The following NXN variants were observed in gnomAD, a reference collection of about 807,000 sequenced individuals.
NXN encodes the protein nucleoredoxin.
NXN carries 16 observed loss-of-function variants against 48.6 expected under a neutral mutation model. That is an observed-to-expected ratio of 0.33 (90% CI 0.22 to 0.50). NXN has a LOEUF of 0.50. Among genes scored for constraint, NXN ranks in the 20% least tolerant of loss-of-function variants. The pLI is 0.98. For synonymous variants in NXN, 281 were observed against 269.6 expected (o/e 1.04, Z -0.41); for missense variants, 492 against 605.5 (o/e 0.81, Z 1.97).
chr17:948,332 CAATA>C (rs1286465323), intron 1 of NXN, among the ~76,000 whole-genome samples: 2 of 151,054 alleles, frequency 1.3e-5, no homozygotes, highest in Non-Finnish European at 3.0e-5. Flanking sequence ...AAAAATTAAA[CAATA>C]AAGAAAGAAA....
chr17:876,157 G>A (rs2068211953), intron 1 of NXN, among the ~76,000 whole-genome samples: 1 of 150,704 alleles, frequency 6.6e-6, no homozygotes, highest in African/African-American at 2.5e-5. Context: ...ACTCCAGCCT[G>A]GGCGACACAG....
intron 5 of NXN, among the ~76,000 whole-genome samples, chr17:813,665 TTTTG>T (rs994631850): frequency 5.9e-5 from 9 of 152,238 alleles, no homozygotes; most frequent in African/African-American, 2.2e-4. Flanking sequence ...AGCATTTTTT[TTTTG>T]TTTAAGAGAC....
chr17:841,346 T>TGC (rs1456801896), intron 1 of NXN, among the ~76,000 whole-genome samples: 1 of 151,768 alleles, frequency 6.6e-6, no homozygotes, highest in Non-Finnish European at 1.5e-5. Flanking sequence ...CCGCCAACCC[T>TGC]GCCAGGGCTG....
At position 878,740 on chromosome 17, in the gene NXN, G is replaced by C. The variant is rs187309257; in HGVS notation, c.361-52662C>G. Among the ~76,000 whole-genome samples, 7 of 152,126 alleles carry C rather than the reference G, an allele frequency of 4.6e-5. 1 individual carries two copies. In the South Asian group the frequency reaches 8.3e-4, roughly 18 times the overall value. On this transcript the variant is annotated intron_variant, in intron 1 of 7. Transcript: ENST00000336868. The stretch of plus-strand genomic sequence containing the variant: ...CCTGATTGAACCCAGTGAATGGGGG[G>C]AAATGAGAATGTCAAGGCCTGTAGC...
At chr17:888,162 A>G (rs2068369027) in intron 1 of NXN, among the ~76,000 whole-genome samples, 1 of 152,196 alleles carries the variant, frequency 6.6e-6, no homozygotes, top group Non-Finnish European at 1.5e-5. Context: ...CTCATGCAAT[A>G]AAAAGGAAAA....
At chr17:950,163 T>C (rs2069093342) in intron 1 of NXN, among the ~76,000 whole-genome samples, 1 of 152,128 alleles carries the variant, frequency 6.6e-6, no homozygotes. Flanking sequence ...TCTTTTTAAC[T>C]AGAAAAAGAG....
At chr17:835,961 G>A (rs746600442) in intron 1 of NXN, among the ~76,000 whole-genome samples, 8 of 19,508 alleles carry the variant, frequency 4.1e-4, no homozygotes, top group Non-Finnish European at 5.2e-4. Context: ...AAACACCGGT[G>A]GGATTCGTCA....
intron 1 of NXN, among the ~76,000 whole-genome samples, chr17:874,883 T>C (rs891862721): frequency 6.6e-6 from 1 of 152,140 alleles, no homozygotes; most frequent in Non-Finnish European, 1.5e-5. Flanking sequence ...GGTGAATAAA[T>C]AAATTACTGG....
intron 5 of NXN, among the ~76,000 whole-genome samples, chr17:806,636 AAGTC>A (rs1397431736): frequency 6.6e-6 from 1 of 151,982 alleles, no homozygotes; most frequent in Non-Finnish European, 1.5e-5. Context: ...TTTTATGTGA[AAGTC>A]AGAGCAATTT....
intron 1 of NXN, among the ~76,000 whole-genome samples, chr17:941,960 T>C (rs1446635037): frequency 6.2e-5 from 3 of 48,682 alleles, no homozygotes; most frequent in Non-Finnish European, 8.6e-5. Context: ...CAGCCATGAA[T>C]TCACCAAACA....
rs1432540413 is a variant in NXN, at chr17:932,944, A to G, written c.360+46375T>C. On this transcript the variant is annotated intron_variant, in intron 1 of 7. Transcript: ENST00000336868. This position sits in a 1 kb window ranked among gnomAD's most constrained non-coding sequence, Gnocchi z 4.1. ...ATTCCAGGCGTGAGCCACCGCGCCC[A>G]GCCCAGCCCGTCCTCTTGAACCTGC... Among the ~76,000 whole-genome samples the G allele has an allele frequency of 6.6e-6, 1 of 151,764 alleles. No individual in the cohort carries two copies. The highest frequency in any genetic ancestry group is 1.5e-5 in the Non-Finnish European group (1 of 67,864).
At chr17:979,236 G>A (rs2069504301) in intron 1 of NXN, 83 bp downstream of exon 1, 41 of 1,027,486 alleles carry the variant, frequency 4.0e-5, no homozygotes, top group Non-Finnish European at 5.1e-5. Flanking sequence ...GTTGGCGGAG[G>A]GCAGGGGTAA....
rs2067902748 is a variant in NXN at position 849,656 on chromosome 17, T to A, written c.361-23578A>T. Among the ~76,000 whole-genome samples the A allele has an allele frequency of 1.3e-5, 2 of 152,198 alleles. No homozygotes were observed. The highest frequency in any genetic ancestry group is 4.1e-4 in the South Asian group (2 of 4,832). On this transcript the variant is annotated intron_variant, in intron 1 of 7. Coordinates refer to ENST00000336868, the MANE Select transcript of NXN (RefSeq NM_022463.5). This position sits in a 1 kb window ranked among gnomAD's most constrained non-coding sequence, Gnocchi z 4.2. ...ACGTCCTTGTCCTCTGGCGGCCAGC[T>A]GCCTCATCCCTTTACCTCCGCAGAC...
intron 1 of NXN, among the ~76,000 whole-genome samples, chr17:940,461 G>A (rs576586748): frequency 8.5e-5 from 13 of 152,320 alleles, no homozygotes; most frequent in Non-Finnish European, 1.3e-4. Context: ...AAAAAGGGCC[G>A]TGGGCAACTT....
At chr17:936,462 A>G (rs144002242) in intron 1 of NXN, among the ~76,000 whole-genome samples, 3 of 151,962 alleles carry the variant, frequency 2.0e-5, no homozygotes, top group African/African-American at 7.2e-5. Flanking sequence ...GTCAGTGCAC[A>G]CGCCGCGTGC....
intron 1 of NXN, among the ~76,000 whole-genome samples, chr17:826,999 C>T (rs1334935327): frequency 6.6e-6 from 1 of 152,214 alleles, no homozygotes; most frequent in Non-Finnish European, 1.5e-5. Context: ...GGGTGAACGC[C>T]ATATGGGCAG....
At chr17:869,915 C>T (rs979935723) in intron 1 of NXN, among the ~76,000 whole-genome samples, 2 of 152,210 alleles carry the variant, frequency 1.3e-5, no homozygotes, top group Non-Finnish European at 2.9e-5. Context: ...AGCTCTCGTA[C>T]TTAGGAAGGA....
At chr17:803,318 G>T (rs1360904582) in intron 7 of NXN, among the ~76,000 whole-genome samples, 1 of 152,204 alleles carries the variant, frequency 6.6e-6, no homozygotes, top group African/African-American at 2.4e-5. Context: ...ACTGCAGCCA[G>T]CGCGGAGGCA....
At chr17:816,816 C>T (rs1447268005) in intron 5 of NXN, among the ~76,000 whole-genome samples, 2 of 152,136 alleles carry the variant, frequency 1.3e-5, no homozygotes, top group East Asian at 1.9e-4. Flanking sequence ...GCCCTCCTGA[C>T]CCCCACACAG....
Sources: allele counts gnomAD v4.1 joint callset (sites outside exome capture counted in the v4.1 genomes callset), GRCh38; gene constraint gnomAD v4.1.1; non-coding constraint Gnocchi (gnomAD v3.1); transcripts MANE v1.5; gene names NCBI Gene and HGNC (gene_info 2026-07-23, HGNC 2026-07-21).